PUM1: variants seen among roughly 807,000 people sequenced by gnomAD.
PUM1 encodes the protein pumilio homolog 1.
PUM1 carries 13 observed loss-of-function variants against 131.8 expected under a neutral mutation model. The ratio of observed to expected loss-of-function variants is 0.10; its 90% CI spans 0.06 to 0.16. The LOEUF is 0.16. PUM1 is among the 10% of genes least tolerant of loss of function. The pLI, the probability that PUM1 is intolerant of heterozygous loss-of-function variation, is 1.00. For synonymous variants in PUM1, 509 were observed against 556.5 expected (o/e 0.91, Z 1.20); for missense variants, 961 against 1,512.4 (o/e 0.64, Z 6.05).
At chr1:31,065,431 G>A (rs1644462233) in intron 1 of PUM1, among the ~76,000 whole-genome samples, 185 bp downstream of exon 1, 1 of 151,284 alleles carries the variant, frequency 6.6e-6, no homozygotes, top group African/African-American at 2.4e-5. Context: ...TAACAATAGG[G>A]GCCTTGCTGC....
intron 2 of PUM1, chr1:31,050,879 AC>A: frequency 4.0e-6 from 1 of 251,242 alleles, no homozygotes; most frequent in Middle Eastern, 1.5e-3. Flanking sequence ...AAGATGGGTC[AC>A]CAGCAGCTCT....
In PUM1 at chr1:30,942,137, AAC is replaced by A; in HGVS notation, c.2995-16_2995-15del. 1 of 1,488,008 alleles carries A rather than the reference AAC, an allele frequency of 6.7e-7. No homozygotes were observed. Among genetic ancestry groups the A allele is most frequent in the Non-Finnish European group, 9.1e-7 (1 of 1,104,254 alleles). The allele number at this position is 1,488,008 out of a possible 1,614,324, so 92.2% of individuals were successfully genotyped here. A position where few individuals can be genotyped will look rare whatever the true frequency, so the allele number is the denominator to read the frequency against. ...TAAGGCAAATACCTAAGGGTAGACA[AAC>A]ACAAATGAGAAGCAAAAATGACAGT... On this transcript the variant is annotated splice_polypyrimidine_tract_variant and intron_variant, in intron 18 of 21. Coordinates refer to ENST00000426105, the MANE Select transcript of PUM1 (RefSeq NM_001020658.2).
intron 5 of PUM1, among the ~76,000 whole-genome samples, chr1:30,995,754 T>C (rs1641960015): frequency 6.6e-6 from 1 of 152,226 alleles, no homozygotes; most frequent in Non-Finnish European, 1.5e-5. Context: ...AACTCAATTA[T>C]TCTGTACCTG....
chr1:30,999,114 C>T (rs1438796530), intron 5 of PUM1, among the ~76,000 whole-genome samples: 1 of 152,172 alleles, frequency 6.6e-6, no homozygotes, highest in African/African-American at 2.4e-5. Context: ...GATCCTTCCA[C>T]CTTAGCCTCC....
intron 13 of PUM1, among the ~76,000 whole-genome samples, chr1:30,965,201 G>A (rs547209622): frequency 6.6e-6 from 1 of 152,272 alleles, no homozygotes; most frequent in African/African-American, 2.4e-5. Context: ...TATGGAAAAG[G>A]TGGAAGAAAA....
intron 2 of PUM1, among the ~76,000 whole-genome samples, chr1:31,045,102 T>G (rs1643920209): frequency 6.7e-6 from 1 of 150,244 alleles, no homozygotes; most frequent in African/African-American, 2.5e-5. Context: ...CCAGCTGGAA[T>G]TATACACTTT....
rs1337046 is a variant in PUM1, at chr1:31,006,158, C to T, written c.542-127G>A. 196,420 of 657,210 alleles carry T rather than the reference C, an allele frequency of 0.3. 32,176 individuals are homozygous for T. Among genetic ancestry groups the T allele is most frequent in the Non-Finnish European group, 0.34 (136,675 of 405,084 alleles). 40.7% of individuals were successfully genotyped at this position (657,210 alleles called of 1,614,324 possible). On this transcript the variant is annotated intron_variant, in intron 4 of 21. Transcript: ENST00000426105. ...GGTCAGTTGAGCCAAAACCTCCTATCATGTCCCTCACTGTATGATATTCAA... is the reference window on the plus strand; with the variant it reads ...GGTCAGTTGAGCCAAAACCTCCTATTATGTCCCTCACTGTATGATATTCAA...
intron 9 of PUM1, among the ~76,000 whole-genome samples, chr1:30,979,174 C>A (rs1199309820): frequency 1.3e-5 from 2 of 151,106 alleles, no homozygotes; most frequent in Non-Finnish European, 2.9e-5. Context: ...ATGTATACAT[C>A]CCACAAGCAA....
At chr1:30,994,411 T>C (rs1641913261) in intron 6 of PUM1, among the ~76,000 whole-genome samples, 1 of 152,218 alleles carries the variant, frequency 6.6e-6, no homozygotes, top group Admixed American at 6.5e-5. Flanking sequence ...GTGCCAATTG[T>C]GGAAGATAAA....
intron 5 of PUM1, among the ~76,000 whole-genome samples, chr1:31,001,788 G>GT (rs1642225412): frequency 6.6e-6 from 1 of 152,168 alleles, no homozygotes; most frequent in Admixed American, 6.5e-5. Context: ...GACATACTAT[G>GT]TTTTTTCCCC....
chr1:31,056,282 C>T (rs575103463), intron 2 of PUM1, among the ~76,000 whole-genome samples: 107 of 150,816 alleles, frequency 7.1e-4, no homozygotes, highest in African/African-American at 2.3e-3. Flanking sequence ...GAAAATCTTT[C>T]TTTTTTCTTT....
chr1:31,040,640 C>T (rs1343677804), intron 2 of PUM1, among the ~76,000 whole-genome samples: 1 of 152,036 alleles, frequency 6.6e-6, no homozygotes, highest in African/African-American at 2.4e-5. Flanking sequence ...GCTGGGCATG[C>T]GAAGGCATAT....
At chr1:30,982,866 T>C (rs1641405177) in intron 7 of PUM1, among the ~76,000 whole-genome samples, 1 of 152,254 alleles carries the variant, frequency 6.6e-6, no homozygotes, top group African/African-American at 2.4e-5. Context: ...TCTTAGTCTC[T>C]GCTTTTGGAG....
chr1:31,000,198 T>C (rs550673922), intron 5 of PUM1, among the ~76,000 whole-genome samples: 7 of 152,366 alleles, frequency 4.6e-5, no homozygotes, highest in African/African-American at 1.4e-4. Flanking sequence ...TGATTTGCTT[T>C]TTTGTTATAT....
chr1:30,938,936 C>T lies in PUM1; in HGVS notation c.3243-2101G>A, dbSNP rs374789066. On this transcript the variant is annotated intron_variant, in intron 20 of 21. Transcript: ENST00000426105. Reference sequence around the variant, plus strand: ...ACAGACAGACAGACAGACAGACAGACAGACAGACAGATAGACAGATAGACA... The same window carrying T: ...ACAGACAGACAGACAGACAGACAGATAGACAGACAGATAGACAGATAGACA... Among the ~76,000 whole-genome samples, 749 of 102,222 alleles carry T rather than the reference C, an allele frequency of 7.3e-3. 4 individuals are homozygous for T. Among genetic ancestry groups the T allele is most frequent in the East Asian group, 0.042 (161 of 3,830 alleles). 67.1% of individuals were successfully genotyped at this position (102,222 alleles called of 152,430 possible).
rs79465455 is a variant in PUM1, at chr1:30,981,032, G to A, written c.1252+280C>T. Among the ~76,000 whole-genome samples the A allele has an allele frequency of 6.8e-3, 1,030 of 152,256 alleles. 4 individuals are homozygous for A. The highest frequency in any genetic ancestry group is 0.019 in the East Asian group (101 of 5,184). On this transcript the variant is annotated intron_variant, in intron 8 of 21. Transcript: ENST00000426105. ...CCAAATCTTACCGAAAGAGCTAATG[G>A]TAGTCACCAGTCATTACTCTGATAA...
At chr1:30,945,532 T>C (rs755996846) in intron 17 of PUM1, 49 bp from the exon 18 acceptor site, 4 of 1,601,206 alleles carry the variant, frequency 2.5e-6, no homozygotes, top group African/African-American at 1.3e-5. Context: ...AGCAAACATG[T>C]GGACAAATAA....
At chr1:31,043,533 A>AT (rs1643887252) in intron 2 of PUM1, among the ~76,000 whole-genome samples, 1 of 152,102 alleles carries the variant, frequency 6.6e-6, no homozygotes, top group South Asian at 2.1e-4. Context: ...CAATTTGGTG[A>AT]TTTTAAATAC....
rs531255665 is a variant in PUM1 at position 30,933,222 on chromosome 1, C to T, written c.3556G>A (p.Gly1186Ser). 6.2e-7 allele frequency: 1 copy of T among 1,612,824 alleles called. No homozygotes were observed. The highest frequency in any genetic ancestry group is 1.1e-5 in the South Asian group (1 of 90,870). Residue 1186 changes from glycine to serine, a missense_variant, in exon 22 of 22, where the codon GGT becomes AGT. This residue lies in a region of PUM1 where 178 missense variants were observed against 327.5 expected (regional missense o/e 0.54). Coordinates refer to ENST00000426105, the MANE Select transcript of PUM1 (RefSeq NM_001020658.2). ...CGGGTGACACTGCCTCAGATGATACCATTAGGGGGGCCACAGATGGGCCCT... is the reference window on the plus strand; with the variant it reads ...CGGGTGACACTGCCTCAGATGATACTATTAGGGGGGCCACAGATGGGCCCT... ...DLGPICGPPN[G>S]II is the part of the protein sequence containing the mutation.
Sources: allele counts gnomAD v4.1 joint callset (sites outside exome capture counted in the v4.1 genomes callset), GRCh38; gene constraint gnomAD v4.1.1; regional missense constraint gnomAD v4.1.1; transcripts MANE v1.5; gene names NCBI Gene and HGNC (gene_info 2026-07-23, HGNC 2026-07-21).